The following NCMAP variants were observed in gnomAD, a reference collection of about 807,000 sequenced individuals.
NCMAP encodes the protein non-compact myelin associated protein, also known as noncompact myelin-associated protein.
A neutral mutation model predicts 7.8 loss-of-function variants in NCMAP; 8 were observed. That is an observed-to-expected ratio of 1.02 (90% CI 0.60 to 1.84). NCMAP has a LOEUF of 1.84. Among genes scored for constraint, NCMAP ranks in the 40% most tolerant of loss-of-function variants. The pLI is 0.00. For missense variants in NCMAP, 112 were observed against 131.4 expected, an observed-to-expected ratio of 0.85 and a Z score of 0.72; for synonymous variants, 41 against 52.9, an observed-to-expected ratio of 0.78 and a Z score of 0.98.
chr1:24,563,895 C>G (rs1026978535), intron 1 of NCMAP: 1 of 152,060 alleles, frequency 6.6e-6, no homozygotes, highest in Non-Finnish European at 1.5e-5. Flanking sequence ...ATCCTTGAGC[C>G]AAAAGCTAAA....
chr1:24,577,421 T>TTTTTTG, intron 1 of NCMAP, among the ~76,000 whole-genome samples: 1 of 145,466 alleles, frequency 6.9e-6, no homozygotes, highest in Non-Finnish European at 1.5e-5. Context: ...TTTTTTTTTT[T>TTTTTTG]TTTTTTTTTT....
chr1:24,603,675 A>G (rs956866534), intron 3 of NCMAP, among the ~76,000 whole-genome samples: 1 of 152,208 alleles, frequency 6.6e-6, no homozygotes, highest in African/African-American at 2.4e-5. Context: ...TGCATTATAG[A>G]TACATTGCAG....
At chr1:24,566,215 C>T (rs1416453537) in intron 1 of NCMAP, among the ~76,000 whole-genome samples, 3 of 152,182 alleles carry the variant, frequency 2.0e-5, no homozygotes, top group Non-Finnish European at 4.4e-5. Context: ...CTCCTGGGCT[C>T]AAGTGATCCT....
chr1:24,561,296 G>A (rs907123176), intron 1 of NCMAP, among the ~76,000 whole-genome samples: 5 of 151,858 alleles, frequency 3.3e-5, no homozygotes, highest in African/African-American at 2.4e-5. Context: ...GCAGTGAGCC[G>A]AGATCGCACC....
intron 1 of NCMAP, among the ~76,000 whole-genome samples, chr1:24,577,410 T>TGTTTTTG (rs763604635): frequency 1.4e-5 from 2 of 140,358 alleles, no homozygotes; most frequent in African/African-American, 5.4e-5. Flanking sequence ...TGTTTTTTTT[T>TGTTTTTG]TTTTTTTTTT....
chr1:24,571,654 C>T (rs1481330347), intron 1 of NCMAP, among the ~76,000 whole-genome samples: 10 of 150,032 alleles, frequency 6.7e-5, no homozygotes, highest in Middle Eastern at 6.8e-3. Flanking sequence ...GGCACGATCT[C>T]GGCTCACTGC....
Position 24,605,540 on chromosome 1 carries a change from G to A in NCMAP, c.168-66G>A, listed in dbSNP as rs917233179. 1.7e-5 allele frequency: 27 copies of A among 1,565,692 alleles called. 1 individual carries two copies. Among genetic ancestry groups the A allele is most frequent in the African/African-American group, 5.4e-5 (4 of 73,652 alleles). On this transcript the variant is annotated intron_variant, in intron 3 of 3. Transcript: ENST00000374392. The stretch of plus-strand genomic sequence containing the variant: ...TAATCTGTTGGCCAGAACTGTAGTC[G>A]CAGAGCCCATTCCCCGCGGCATACC...
rs941419893 is a variant in NCMAP at position 24,599,835 on chromosome 1, C to T, written c.83-1105C>T. On this transcript the variant is annotated intron_variant, in intron 2 of 3. Transcript: ENST00000374392. The stretch of plus-strand genomic sequence containing the variant: ...TCGTGATCCGCCCCCCCCCCCCCCC[C>T]CCCCTTGGCCTCCCAAAGTGCTGGG... Among the ~76,000 whole-genome samples the T allele has an allele frequency of 5.1e-5, 4 of 78,920 alleles. 1 individual carries two copies. The highest frequency in any genetic ancestry group is 3.5e-4 in the Admixed American group (3 of 8,628). The allele number at this position is 78,920 out of a possible 152,430, so 51.8% of individuals were successfully genotyped here.
rs527291991 is a variant in NCMAP, at chr1:24,574,240, T to A, written c.-8+18071T>A. On this transcript the variant is annotated intron_variant, in intron 1 of 3. Transcript: ENST00000374392. The stretch of plus-strand genomic sequence containing the variant: ...TTGAAGTGATTCTCCTGCCTCAGAC[T>A]GCTGAGTAGCTGGAATTACAGGTGC... Among the ~76,000 whole-genome samples the A allele has an allele frequency of 2.7e-5, 4 of 150,598 alleles. No homozygotes were observed. The South Asian group carries it at 8.3e-4, about 31-fold the overall frequency.
intron 1 of NCMAP, among the ~76,000 whole-genome samples, chr1:24,587,776 A>G (rs985118691): frequency 1.3e-5 from 2 of 151,352 alleles, no homozygotes; most frequent in Non-Finnish European, 3.0e-5. Context: ...GCCTCCCAAA[A>G]TGCTGGGATT....
At chr1:24,597,595 A>G (rs1652279601) in intron 2 of NCMAP, among the ~76,000 whole-genome samples, 1 of 87,478 alleles carries the variant, frequency 1.1e-5, no homozygotes, top group South Asian at 4.8e-4. Flanking sequence ...GAGAAGAAAG[A>G]AGAAAGAAAG....
intron 3 of NCMAP, among the ~76,000 whole-genome samples, chr1:24,603,731 C>T (rs1394960596): frequency 5.9e-5 from 9 of 152,052 alleles, no homozygotes; most frequent in African/African-American, 9.7e-5. Flanking sequence ...TGGCATGATG[C>T]CTGCAACTCA....
intron 1 of NCMAP, among the ~76,000 whole-genome samples, chr1:24,579,226 A>T (rs1003011593): frequency 6.6e-6 from 1 of 151,770 alleles, no homozygotes; most frequent in South Asian, 2.1e-4. Flanking sequence ...CTTCATGCCC[A>T]AAAGTGTCCT....
chr1:24,560,115 G>A (rs925801780), intron 1 of NCMAP, among the ~76,000 whole-genome samples: 1 of 146,384 alleles, frequency 6.8e-6, no homozygotes, highest in African/African-American at 2.6e-5. Context: ...GAGCCGAGAT[G>A]GCACCACTGC....
intron 1 of NCMAP, among the ~76,000 whole-genome samples, chr1:24,556,661 T>C (rs4571916): frequency 0.38 from 58,171 of 151,452 alleles, 11,795 homozygotes; most frequent in African/African-American, 0.51. Context: ...GGCCGTAGTT[T>C]CCATCCACAG....
chr1:24,584,909 A>G (rs930350412), intron 1 of NCMAP, among the ~76,000 whole-genome samples: 1 of 131,254 alleles, frequency 7.6e-6, no homozygotes, highest in Non-Finnish European at 1.6e-5. Context: ...CATTGATTGA[A>G]TGGATGGGAG....
At chr1:24,566,487 G>T (rs1360695102) in intron 1 of NCMAP, among the ~76,000 whole-genome samples, 2 of 152,170 alleles carry the variant, frequency 1.3e-5, no homozygotes, top group African/African-American at 4.8e-5. Context: ...ACAGGAAATT[G>T]CTCATTCTGC....
intron 1 of NCMAP, among the ~76,000 whole-genome samples, chr1:24,567,341 G>T (rs1033562867): frequency 3.3e-5 from 5 of 152,082 alleles, no homozygotes; most frequent in African/African-American, 1.2e-4. Flanking sequence ...TATAACTAAG[G>T]TACCTATGAG....
At position 24,582,157 on chromosome 1, in the gene NCMAP, C is replaced by T. The variant is rs1321558881; in HGVS notation, c.-7-13267C>T. 7.9e-5 allele frequency among the ~76,000 whole-genome samples: 12 copies of T among 152,212 alleles called. No individual in the cohort carries two copies. In the South Asian group the frequency reaches 2.1e-3, roughly 26 times the overall value. On this transcript the variant is annotated intron_variant, in intron 1 of 3. Coordinates refer to ENST00000374392, the MANE Select transcript of NCMAP (RefSeq NM_001010980.5). ...CAACCTCCTGATTCGTTGCTCGTGCCGACCACCCCCTGCACACATCGGATC... is the reference window on the plus strand; with the variant it reads ...CAACCTCCTGATTCGTTGCTCGTGCTGACCACCCCCTGCACACATCGGATC...
Sources: allele counts gnomAD v4.1 joint callset (sites outside exome capture counted in the v4.1 genomes callset), GRCh38; gene constraint gnomAD v4.1.1; transcripts MANE v1.5; gene names NCBI Gene and HGNC (gene_info 2026-07-23, HGNC 2026-07-21).